The following BBX variants were observed in gnomAD, a reference collection of about 807,000 sequenced individuals.
BBX encodes the protein BBX high mobility group box domain containing.
Under a neutral mutation model 100.2 loss-of-function variants are expected in BBX, and 30 were observed. The observed-to-expected ratio is 0.30, with a 90% confidence interval of 0.22 to 0.41. The LOEUF is 0.41. Among genes scored for constraint, BBX ranks in the 10% least tolerant of loss-of-function variants. The pLI, the probability that BBX is intolerant of heterozygous loss-of-function variation, is 1.00. For synonymous variants in BBX, 376 were observed against 388.1 expected, an observed-to-expected ratio of 0.97 and a Z score of 0.37; for missense variants, 1,023 against 1,129.8, an observed-to-expected ratio of 0.91 and a Z score of 1.35.
At chr3:107,575,614 A>G (rs2107530949) in intron 2 of BBX, among the ~76,000 whole-genome samples, 1 of 152,206 alleles carries the variant, frequency 6.6e-6, no homozygotes, top group South Asian at 2.1e-4. Flanking sequence ...CTGCTCATTT[A>G]TTTTGGCATT....
chr3:107,659,875 A>G (rs2058354061), intron 3 of BBX: 1 of 561,388 alleles, frequency 1.8e-6, no homozygotes, highest in African/African-American at 2.0e-5. Flanking sequence ...AGGATAAATT[A>G]AGAGGGACGT....
chr3:107,583,963 A>T (rs1379509853), intron 2 of BBX, among the ~76,000 whole-genome samples: 1 of 70,854 alleles, frequency 1.4e-5, no homozygotes, highest in Admixed American at 2.4e-4. Flanking sequence ...TATTATATAT[A>T]TTATATATAT....
chr3:107,585,123 A>T (rs564507579), intron 2 of BBX, among the ~76,000 whole-genome samples: 2 of 152,292 alleles, frequency 1.3e-5, no homozygotes, highest in Non-Finnish European at 2.9e-5. Flanking sequence ...AACCAGGAGA[A>T]TGTCCAGTCA....
intron 3 of BBX, among the ~76,000 whole-genome samples, chr3:107,681,207 G>T (rs899999946): frequency 2.6e-5 from 4 of 152,138 alleles, no homozygotes; most frequent in Non-Finnish European, 5.9e-5. Flanking sequence ...TTAGCAACCA[G>T]AGGTCACGTA....
intron 4 of BBX, among the ~76,000 whole-genome samples, chr3:107,713,026 C>G (rs76484061): frequency 0.021 from 3,199 of 152,284 alleles, 106 homozygotes; most frequent in Admixed American, 0.086. Context: ...TTCCCCATAG[C>G]CACTTCAAAT....
intron 14 of BBX, among the ~76,000 whole-genome samples, chr3:107,791,007 T>C (rs1409255869): frequency 6.6e-6 from 1 of 152,218 alleles, no homozygotes; most frequent in East Asian, 1.9e-4. Context: ...ACAGAAATAA[T>C]CCAACACTAT....
intron 2 of BBX, among the ~76,000 whole-genome samples, chr3:107,563,770 T>C (rs2050681168): frequency 6.6e-6 from 1 of 152,238 alleles, no homozygotes; most frequent in African/African-American, 2.4e-5. Flanking sequence ...ACCTTCATTT[T>C]ACTTGCCCTT....
At chr3:107,798,315 C>CATTAA in intron 15 of BBX, among the ~76,000 whole-genome samples, 1 of 152,312 alleles carries the variant, frequency 6.6e-6, no homozygotes, top group East Asian at 1.9e-4. Context: ...TCTTAATTCA[C>CATTAA]TGCATTTAAT....
intron 2 of BBX, among the ~76,000 whole-genome samples, chr3:107,629,433 A>T (rs377454868): frequency 6.6e-6 from 1 of 152,222 alleles, no homozygotes; most frequent in African/African-American, 2.4e-5. Flanking sequence ...CATTATGCAC[A>T]TGATGTTGAG....
intron 2 of BBX, among the ~76,000 whole-genome samples, chr3:107,618,915 G>C (rs2055513756): frequency 6.6e-6 from 1 of 152,010 alleles, no homozygotes; most frequent in South Asian, 2.1e-4. Flanking sequence ...AGATCCTGTA[G>C]GTTGATGATG....
intron 2 of BBX, among the ~76,000 whole-genome samples, chr3:107,530,283 T>C (rs1272489345): frequency 6.6e-6 from 1 of 152,044 alleles, no homozygotes; most frequent in East Asian, 1.9e-4. Context: ...TCCCAGCTAC[T>C]TGGGAGGCTG....
At chr3:107,569,087 T>C (rs2051149520) in intron 2 of BBX, among the ~76,000 whole-genome samples, 1 of 152,240 alleles carries the variant, frequency 6.6e-6, no homozygotes, top group Admixed American at 6.5e-5. Flanking sequence ...ATTGTAATAA[T>C]ATTACCTAAC....
At chr3:107,756,704 T>G (rs1405463489) in intron 10 of BBX, among the ~76,000 whole-genome samples, 2 of 152,172 alleles carry the variant, frequency 1.3e-5, no homozygotes, top group Non-Finnish European at 2.9e-5. Flanking sequence ...TGGAACAAAC[T>G]ACCCCATTGT....
chr3:107,791,290 C>G lies in BBX; in HGVS notation c.2344C>G (p.Pro782Ala). 6.2e-7 allele frequency: 1 copy of G among 1,612,170 alleles called. No individual in the cohort carries two copies. The highest frequency in any genetic ancestry group is 8.5e-7 in the Non-Finnish European group (1 of 1,178,612). Residue 782 changes from proline to alanine, a missense_variant, in exon 15 of 18, where the codon CCT becomes GCT. Around this residue, in one of 9 missense-constraint regions of BBX, gnomAD observed 215 missense variants for 211.3 expected, o/e 1.02. Transcript: ENST00000325805. ...NKQLFLDAIH[P>A]TEAIFSEDRN... Reference sequence around the variant, plus strand: ...GCAACTCTTCTTGGATGCCATTCACCCTACAGAAGGTAAGACAAGCAATGT... The same window carrying G: ...GCAACTCTTCTTGGATGCCATTCACGCTACAGAAGGTAAGACAAGCAATGT...
In BBX at chr3:107,550,671, G is replaced by T. The variant is rs551175064; in HGVS notation, c.-84+24273G>T. 3.3e-5 allele frequency among the ~76,000 whole-genome samples: 5 copies of T among 152,132 alleles called. 1 individual carries two copies. The highest frequency in any genetic ancestry group is 2.6e-4 in the Admixed American group (4 of 15,274). ...AATGTATCTTCTAAGTAAGATCAGGGTCAGATCCTGGGGAGGTCATAGTTG... is the reference window on the plus strand; with the variant it reads ...AATGTATCTTCTAAGTAAGATCAGGTTCAGATCCTGGGGAGGTCATAGTTG... On this transcript the variant is annotated intron_variant, in intron 2 of 17. Coordinates refer to ENST00000325805, the MANE Select transcript of BBX (RefSeq NM_001142568.3).
intron 3 of BBX, among the ~76,000 whole-genome samples, chr3:107,665,021 G>A (rs765503427): frequency 3.9e-5 from 6 of 152,006 alleles, no homozygotes; most frequent in Non-Finnish European, 7.4e-5. Context: ...TCCTAATCTC[G>A]TAATGGGTAC....
At chr3:107,711,722 G>A (rs1001227901) in intron 4 of BBX, among the ~76,000 whole-genome samples, 2 of 152,126 alleles carry the variant, frequency 1.3e-5, no homozygotes, top group South Asian at 4.2e-4. Context: ...CTTACTTGAG[G>A]GTATTATCAA....
chr3:107,523,434 C>G (rs1005173853), intron 1 of BBX: 2 of 153,042 alleles, frequency 1.3e-5, no homozygotes, highest in South Asian at 2.0e-4. Context: ...CAGTGCCCTG[C>G]GAGCGGGAGG....
At chr3:107,754,966 T>G (rs922520601) in intron 9 of BBX, among the ~76,000 whole-genome samples, 5 of 152,226 alleles carry the variant, frequency 3.3e-5, no homozygotes, top group Admixed American at 1.3e-4. Context: ...GAGGATGCAG[T>G]CAATGTTAAT....
Sources: gnomAD v4.1 joint callset for allele counts (sites outside exome capture counted in the v4.1 genomes callset) on GRCh38, gnomAD v4.1.1 for gene constraint, gnomAD v4.1.1 regional missense constraint, MANE v1.5 for transcripts, NCBI Gene and HGNC (gene_info 2026-07-23, HGNC 2026-07-21) for gene names.